TNFSF4: variants seen among roughly 807,000 people sequenced by gnomAD.
TNFSF4 encodes the protein tumor necrosis factor ligand superfamily member 4.
In TNFSF4, 4 loss-of-function variants were observed where a neutral mutation model predicts 7.3. The observed-to-expected ratio is 0.55, with a 90% CI of 0.27 to 1.25. The LOEUF (loss-of-function observed/expected upper bound fraction) is 1.25. Ranked by LOEUF, TNFSF4 falls within the 50% of genes most tolerant of loss-of-function variation. The probability of loss-of-function intolerance (pLI) is 0.12; values close to 1 mark genes in which losing one functional copy is unlikely to be tolerated. For synonymous variants in TNFSF4, 76 were observed against 83.7 expected, an observed-to-expected ratio of 0.91 and a Z score of 0.50; for missense variants, 181 against 208.8, an observed-to-expected ratio of 0.87 and a Z score of 0.82.
At chr1:173,389,272 A>G in the TNFSF4 span, among the ~76,000 whole-genome samples, 1 of 152,190 alleles carries the variant, frequency 6.6e-6, no homozygotes, top group East Asian at 1.9e-4. Flanking sequence ...ACAGGGTAAG[A>G]GAAATCAATA....
chr1:173,440,164 T>C, the TNFSF4 span, among the ~76,000 whole-genome samples: 1 of 152,198 alleles, frequency 6.6e-6, no homozygotes, highest in African/African-American at 2.4e-5. Flanking sequence ...CCTTCTTCCG[T>C]TGCATGGACA....
chr1:173,363,284 G>T, the TNFSF4 span: 1 of 299,954 alleles, frequency 3.3e-6, no homozygotes. Flanking sequence ...CTTTCTGCAT[G>T]CTTTATCATA....
the TNFSF4 span, among the ~76,000 whole-genome samples, chr1:173,437,170 C>A: frequency 6.6e-6 from 1 of 152,130 alleles, no homozygotes; most frequent in Non-Finnish European, 1.5e-5. Context: ...GTGCATGGAC[C>A]CCTCCAGGCT....
intron 1 of TNFSF4, among the ~76,000 whole-genome samples, chr1:173,201,335 C>CAAAAA (rs750610077): frequency 9.9e-5 from 15 of 152,046 alleles, no homozygotes; most frequent in Non-Finnish European, 2.2e-4. Context: ...TTTTTTAATC[C>CAAAAA]TAAAAATTAC....
At chr1:173,276,090 G>C in the TNFSF4 span, among the ~76,000 whole-genome samples, 3 of 152,122 alleles carry the variant, frequency 2.0e-5, no homozygotes, top group Non-Finnish European at 4.4e-5. Context: ...ACATGAAAAA[G>C]AATATCAATA....
the TNFSF4 span, among the ~76,000 whole-genome samples, chr1:173,311,334 G>A: frequency 1.3e-5 from 2 of 152,126 alleles, no homozygotes; most frequent in East Asian, 3.9e-4. Context: ...ACAGAAGATT[G>A]AAGTAATATG....
At chr1:173,257,845 A>G in the TNFSF4 span, among the ~76,000 whole-genome samples, 121 of 152,300 alleles carry the variant, frequency 7.9e-4, no homozygotes, top group East Asian at 1.5e-3. Flanking sequence ...GATGGAATCA[A>G]CACCTATGTG....
the TNFSF4 span, among the ~76,000 whole-genome samples, chr1:173,417,394 T>A: frequency 6.6e-6 from 1 of 152,340 alleles, no homozygotes; most frequent in Admixed American, 6.5e-5. Context: ...AAACAAGAAC[T>A]CTTATTGGCA....
At chr1:173,324,480 A>G in the TNFSF4 span, among the ~76,000 whole-genome samples, 8 of 152,228 alleles carry the variant, frequency 5.3e-5, no homozygotes, top group Non-Finnish European at 1.2e-4. Context: ...ACCAGCGAAC[A>G]TCATAATAGC....
At chr1:173,313,752 G>A in the TNFSF4 span, among the ~76,000 whole-genome samples, 1 of 151,798 alleles carries the variant, frequency 6.6e-6, no homozygotes, top group East Asian at 1.9e-4. Context: ...TTCTCTCTTC[G>A]TATATTACAC....
the TNFSF4 span, among the ~76,000 whole-genome samples, chr1:173,281,262 T>C: frequency 6.6e-6 from 1 of 152,056 alleles, no homozygotes; most frequent in Admixed American, 6.6e-5. Flanking sequence ...GTGATTTCAA[T>C]ATATGGAAGA....
the TNFSF4 span, among the ~76,000 whole-genome samples, chr1:173,366,818 CA>C: frequency 6.6e-6 from 1 of 151,642 alleles, no homozygotes. Flanking sequence ...CCTATAAACA[CA>C]AGAATTTGCA....
At chr1:173,340,271 C>T in the TNFSF4 span, among the ~76,000 whole-genome samples, 1 of 151,484 alleles carries the variant, frequency 6.6e-6, no homozygotes, top group South Asian at 2.1e-4. Flanking sequence ...GGCATTGGGA[C>T]TTGTCAGCCT....
intron 1 of TNFSF4, among the ~76,000 whole-genome samples, chr1:173,196,528 G>A (rs1050574196): frequency 6.6e-6 from 1 of 151,896 alleles, no homozygotes; most frequent in Non-Finnish European, 1.5e-5. Context: ...TCTTCTCATC[G>A]AGTCTACTAA....
At chr1:173,204,030 C>T (rs1041798998) in intron 1 of TNFSF4, among the ~76,000 whole-genome samples, 2 of 152,164 alleles carry the variant, frequency 1.3e-5, no homozygotes, top group Admixed American at 6.5e-5. Context: ...CTTTTCTAAA[C>T]AGTGTGTTTT....
the TNFSF4 span, among the ~76,000 whole-genome samples, chr1:173,238,300 C>T: frequency 6.6e-6 from 1 of 152,104 alleles, no homozygotes; most frequent in East Asian, 1.9e-4. Context: ...TAAAAACCCT[C>T]GAAGATAACC....
the TNFSF4 span, among the ~76,000 whole-genome samples, chr1:173,283,001 T>C: frequency 1.2e-4 from 19 of 152,198 alleles, no homozygotes; most frequent in Admixed American, 1.2e-3. Context: ...TGTGAAAGCA[T>C]TTTTCAGCAC....
chr1:173,433,476 CTT>C, the TNFSF4 span, among the ~76,000 whole-genome samples: 3 of 151,698 alleles, frequency 2.0e-5, no homozygotes, highest in Non-Finnish European at 2.9e-5. Context: ...TGGTGGAACT[CTT>C]GAGTCCAGGA....
the TNFSF4 span, among the ~76,000 whole-genome samples, chr1:173,275,367 T>A: frequency 2.0e-5 from 3 of 152,134 alleles, no homozygotes; most frequent in Non-Finnish European, 4.4e-5. Context: ...GAAACAAATC[T>A]ACTGTCTGAC....
Sources: gnomAD v4.1 joint callset for allele counts (sites outside exome capture counted in the v4.1 genomes callset) on GRCh38, gnomAD v4.1.1 for gene constraint, MANE v1.5 for transcripts, NCBI Gene and HGNC (gene_info 2026-07-23, HGNC 2026-07-21) for gene names.